The following VSIG1 variants were observed in gnomAD, a reference collection of about 807,000 sequenced individuals.
VSIG1 encodes the protein V-set and immunoglobulin domain containing 1, also known as V-set and immunoglobulin domain-containing protein 1.
In VSIG1, 11 loss-of-function variants were observed where a neutral mutation model predicts 20.1. That is an observed-to-expected ratio of 0.55 (90% CI 0.34 to 0.91). VSIG1 has a LOEUF of 0.91. Ranked by LOEUF, VSIG1 falls within the 40% of genes least tolerant of loss-of-function variation. The probability of loss-of-function intolerance (pLI) is 0.02; values close to 1 mark genes in which losing one functional copy is unlikely to be tolerated. For missense variants in VSIG1, 283 were observed against 298.8 expected, an observed-to-expected ratio of 0.95 and a Z score of 0.39; for synonymous variants, 126 against 116.7, an observed-to-expected ratio of 1.08 and a Z score of -0.52.
rs1172282311 is a variant in VSIG1, at chrX:108,047,961, CATATATATATATATATATATAT to C, written c.49+2802_49+2823del. Among the ~76,000 whole-genome samples the C allele has an allele frequency of 3.0e-4, 6 of 19,932 alleles. 1 individual carries two copies. Among genetic ancestry groups the C allele is most frequent in the Admixed American group, 2.1e-3 (3 of 1,419 alleles). The allele number at this position is 19,932 out of a possible 115,157, so 17.3% of individuals were successfully genotyped here. A position where few individuals can be genotyped will look rare whatever the true frequency, so the allele number is the denominator to read the frequency against. ...ACATATATATATATATATACACACA[CATATATATATATATATATATAT>C]ATATATATATATATATATACACATA... is the stretch of plus-strand genomic sequence containing the variant. On this transcript the variant is annotated intron_variant, in intron 1 of 6. Transcript: ENST00000217957.
chrX:108,075,141 A>G (rs2031324527), intron 5 of VSIG1, among the ~76,000 whole-genome samples: 1 of 111,714 alleles, frequency 9.0e-6, no homozygotes. Flanking sequence ...TTGGAAGAAC[A>G]TGGTGGGTGT....
chrX:108,043,569 G>A (rs2030514011), upstream of VSIG1, among the ~76,000 whole-genome samples: 1 of 111,822 alleles, frequency 8.9e-6, no homozygotes, highest in Admixed American at 9.5e-5. Flanking sequence ...TTCTCACATA[G>A]GACAGTATGA....
At chrX:108,030,359 G>T in the VSIG1 span, among the ~76,000 whole-genome samples, 36 of 111,706 alleles carry the variant, frequency 3.2e-4, no homozygotes, top group Non-Finnish European at 6.0e-4. Context: ...GAACTTCCTT[G>T]ACACAACAAA....
intron 2 of VSIG1, among the ~76,000 whole-genome samples, chrX:108,062,333 C>T (rs1443183707): frequency 9.0e-6 from 1 of 111,574 alleles, no homozygotes; most frequent in Non-Finnish European, 1.9e-5. Context: ...TCTGGCTTCT[C>T]AGGTTTTACA....
At chrX:108,034,044 G>T in the VSIG1 span, among the ~76,000 whole-genome samples, 1 of 110,703 alleles carries the variant, frequency 9.0e-6, no homozygotes, top group Non-Finnish European at 1.9e-5. Context: ...GCTAATCTCA[G>T]CTCTGGCCTT....
chrX:108,071,397 T>C (rs2031238434), intron 3 of VSIG1, among the ~76,000 whole-genome samples: 1 of 111,596 alleles, frequency 9.0e-6, no homozygotes, highest in African/African-American at 3.3e-5. Flanking sequence ...ATAAGAGATA[T>C]AAGATAGATA....
At chrX:108,038,191 T>C in the VSIG1 span, among the ~76,000 whole-genome samples, 1 of 111,465 alleles carries the variant, frequency 9.0e-6, no homozygotes. Context: ...TATCAACCAG[T>C]CATCTAGGTT....
At position 108,058,124 on chromosome X, in the gene VSIG1, A is replaced by G. The variant is rs984747441; in HGVS notation, c.136A>G (p.Thr46Ala). ...TAATGTCACTCTCATCTGCATCTAC[A>G]CCACCACTGTGGCCTCCCGAGAACA... ...GSNVTLICIYTTTVASREQLS... is the reference protein window; with the variant it reads ...GSNVTLICIYATTVASREQLS... Residue 46 changes from threonine (T) to alanine (A), a missense_variant, in exon 2 of 7, where the codon ACC (threonine) becomes GCC (alanine). Physicochemically the swap from Thr to Ala is moderately conservative, Grantham distance 58. Transcript: ENST00000217957. 2 of 1,209,405 alleles carry G rather than the reference A, an allele frequency of 1.7e-6. No homozygotes were observed. The highest frequency in any genetic ancestry group is 2.2e-6 in the Non-Finnish European group (2 of 894,800).
intron 1 of VSIG1, among the ~76,000 whole-genome samples, chrX:108,053,391 G>C (rs2030824811): frequency 9.0e-6 from 1 of 111,626 alleles, no homozygotes; most frequent in South Asian, 3.7e-4. Flanking sequence ...TTCAATCAAA[G>C]TGGTAAAATA....
At chrX:108,026,574 T>C in the VSIG1 span, among the ~76,000 whole-genome samples, 6 of 111,478 alleles carry the variant, frequency 5.4e-5, no homozygotes, top group East Asian at 2.8e-4. Flanking sequence ...TCTGTGTATA[T>C]GTTAGCCCTT....
At chrX:108,030,785 T>C in the VSIG1 span, among the ~76,000 whole-genome samples, 1 of 111,836 alleles carries the variant, frequency 8.9e-6, no homozygotes, top group South Asian at 3.8e-4. Context: ...CTCGGGATCA[T>C]TGGTGCAATC....
chrX:108,060,955 A>G (rs150328279), intron 2 of VSIG1, among the ~76,000 whole-genome samples: 1,609 of 112,302 alleles, frequency 0.014, 14 homozygotes, highest in Non-Finnish European at 0.021. Context: ...GCCTAGCTCA[A>G]GAAGATACAC....
intron 3 of VSIG1, 30 bp from the exon 4 acceptor site, chrX:108,072,647 G>T (rs373886663): frequency 8.4e-7 from 1 of 1,190,384 alleles, no homozygotes; most frequent in Non-Finnish European, 1.1e-6. Context: ...TCATCCTAAA[G>T]AATTTTTATT....
chrX:108,047,873 CATATAT>C (rs1218673326), intron 1 of VSIG1, among the ~76,000 whole-genome samples: 2 of 25,058 alleles, frequency 8.0e-5, no homozygotes, highest in Admixed American at 3.4e-4. Context: ...TATATATACA[CATATAT>C]ATATATACAC....
At chrX:108,071,892 C>CAAAAAAAAAAAAAAAAAAA (rs1203449181) in intron 3 of VSIG1, among the ~76,000 whole-genome samples, 3 of 36,404 alleles carry the variant, frequency 8.2e-5, no homozygotes, top group Non-Finnish European at 1.1e-4. Context: ...TGAACAAATG[C>CAAAAAAAAAAAAAAAAAAA]AAAAAAAAAA....
chrX:108,076,269 T>C, intron 6 of VSIG1, 51 bp downstream of exon 6: 1 of 1,172,163 alleles, frequency 8.5e-7, no homozygotes, highest in Non-Finnish European at 1.2e-6. Context: ...TTCTCAGGCA[T>C]GTCTTTTTCA....
chrX:108,019,044 C>A, the VSIG1 span, among the ~76,000 whole-genome samples: 1 of 111,870 alleles, frequency 8.9e-6, no homozygotes, highest in African/African-American at 3.3e-5. Context: ...GTGGGCCAGG[C>A]AGGTGAACAG....
chrX:108,047,795 T>TATATATATATATATACATATATATATAC, intron 1 of VSIG1, among the ~76,000 whole-genome samples: 4 of 76,715 alleles, frequency 5.2e-5, no homozygotes, highest in African/African-American at 1.6e-4. Context: ...TCTCTCTATA[T>TATATATATATATATACATATATATATAC]ATATATATAT....
At chrX:108,022,338 A>G in the VSIG1 span, among the ~76,000 whole-genome samples, 1 of 111,868 alleles carries the variant, frequency 8.9e-6, no homozygotes, top group East Asian at 2.8e-4. Flanking sequence ...ACTAAATTTT[A>G]TTTTTAGGCT....
Sources: allele counts gnomAD v4.1 joint callset (sites outside exome capture counted in the v4.1 genomes callset), GRCh38; gene constraint gnomAD v4.1.1; transcripts MANE v1.5; gene names NCBI Gene and HGNC (gene_info 2026-07-23, HGNC 2026-07-21).